Variants in BLK observed in about 807,000 individuals in gnomAD.
BLK encodes BLK proto-oncogene, Src family tyrosine kinase, also known as tyrosine-protein kinase Blk.
Under a neutral mutation model 61.8 loss-of-function variants are expected in BLK, and 64 were observed. That is an observed-to-expected ratio of 1.03 (90% CI 0.85 to 1.27). BLK has a LOEUF of 1.27. BLK is among the 50% of genes most tolerant of loss of function. The pLI, the probability that BLK is intolerant of heterozygous loss-of-function variation, is 0.00. For missense variants in BLK, 853 were observed against 660.5 expected, an observed-to-expected ratio of 1.29 and a Z score of -3.19; for synonymous variants, 351 against 272.0, an observed-to-expected ratio of 1.29 and a Z score of -2.86.
intron 1 of BLK, chr8:11,509,567 T>G (rs916581784): frequency 6.6e-6 from 1 of 152,190 alleles, no homozygotes. Context: ...GCTCGGGTTC[T>G]GTGGTTGTCT....
chr8:11,530,232 G>C (rs1438751109), intron 1 of BLK, among the ~76,000 whole-genome samples: 2 of 152,114 alleles, frequency 1.3e-5, no homozygotes, highest in South Asian at 2.1e-4. Flanking sequence ...CCCAGCCAAG[G>C]ATTTATTTGT....
chr8:11,519,578 A>T (rs1468076283), intron 1 of BLK, among the ~76,000 whole-genome samples: 1 of 152,246 alleles, frequency 6.6e-6, no homozygotes. Flanking sequence ...TATGTACAGC[A>T]TCGTAACAGT....
intron 1 of BLK, among the ~76,000 whole-genome samples, chr8:11,519,873 C>T (rs1159590179): frequency 6.6e-6 from 1 of 152,168 alleles, no homozygotes; most frequent in Admixed American, 6.5e-5. Flanking sequence ...CTTGCCGCCC[C>T]CACTATCAGA....
chr8:11,544,964 C>T (rs1800559966), intron 2 of BLK, among the ~76,000 whole-genome samples: 1 of 152,180 alleles, frequency 6.6e-6, no homozygotes, highest in African/African-American at 2.4e-5. Context: ...TACCCTTCAC[C>T]CCAGGCCCCA....
intron 5 of BLK, among the ~76,000 whole-genome samples, chr8:11,549,493 A>G (rs1476669190): frequency 6.6e-6 from 1 of 152,168 alleles, no homozygotes; most frequent in Non-Finnish European, 1.5e-5. Context: ...GGGGGCTCCC[A>G]GGAGGGTGGC....
At chr8:11,504,258 G>T (rs375837139) in intron 1 of BLK, among the ~76,000 whole-genome samples, 16 of 152,008 alleles carry the variant, frequency 1.1e-4, no homozygotes, top group East Asian at 7.7e-4. Context: ...AGGAGGCAAA[G>T]GTTGCAGTGA....
intron 2 of BLK, 131 bp from the exon 3 acceptor site, chr8:11,545,921 C>G (rs1243380705): frequency 1.1e-6 from 1 of 941,726 alleles, no homozygotes; most frequent in Non-Finnish European, 1.8e-6. Context: ...GCAGCCCCCA[C>G]AGGCAGCTGC....
At position 11,558,038 on chromosome 8, in the gene BLK, G is replaced by A. The variant is rs1158167794; in HGVS notation, c.1029G>A (p.Gln343=). ...CAAGGCTGATTGACATGTCGGCGCA[G>A]GTTGGTGAAGTACCAGGTGCAGAGA... The part of the protein sequence containing the change: ...SLPRLIDMSA[Q]IAEGMAYIER... Residue 343 remains glutamine (Q), a splice_region_variant and synonymous_variant, in exon 10 of 13, where the codon CAG becomes CAA. Transcript: ENST00000259089. 1 of 1,614,020 alleles carries A rather than the reference G, an allele frequency of 6.2e-7. No individual in the cohort carries two copies. The highest frequency in any genetic ancestry group is 1.7e-5 in the Admixed American group (1 of 60,022).
intron 8 of BLK, chr8:11,556,109 G>C (rs1397460558): frequency 4.4e-6 from 1 of 227,222 alleles, no homozygotes; most frequent in African/African-American, 2.3e-5. Context: ...GCTGTACCCA[G>C]GTCCCTGCCA....
At chr8:11,540,962 T>C (rs1326802597) in intron 1 of BLK, among the ~76,000 whole-genome samples, 2 of 152,190 alleles carry the variant, frequency 1.3e-5, no homozygotes, top group Non-Finnish European at 2.9e-5. Context: ...ATTCTCATTC[T>C]AAATAAAATA....
chr8:11,514,687 C>G (rs1799154943), intron 1 of BLK, among the ~76,000 whole-genome samples: 1 of 152,204 alleles, frequency 6.6e-6, no homozygotes, highest in Non-Finnish European at 1.5e-5. Context: ...CTTTCTGGAC[C>G]CATCCTGGCA....
At chr8:11,555,221 A>G (rs1019164542) in intron 7 of BLK, 111 bp from the exon 8 acceptor site, 8 of 1,399,430 alleles carry the variant, frequency 5.7e-6, no homozygotes, top group Middle Eastern at 2.2e-4. Context: ...ACACCCATGC[A>G]GGGGGTGGGG....
At chr8:11,560,921 G>C (rs577470663) in intron 10 of BLK, 2 of 474,102 alleles carry the variant, frequency 4.2e-6, no homozygotes, top group African/African-American at 3.9e-5. Context: ...AGTGAGAGCT[G>C]CCTGTCCTTG....
intron 1 of BLK, among the ~76,000 whole-genome samples, chr8:11,513,067 C>A (rs535376842): frequency 6.6e-6 from 1 of 152,190 alleles, no homozygotes; most frequent in African/African-American, 2.4e-5. Context: ...TCTTGAAGTT[C>A]TTTTTTGTCC....
intron 1 of BLK, among the ~76,000 whole-genome samples, chr8:11,523,245 G>A (rs1453235968): frequency 6.6e-6 from 1 of 152,168 alleles, no homozygotes; most frequent in African/African-American, 2.4e-5. Context: ...ATACCATGCT[G>A]TAATACATAA....
intron 1 of BLK, among the ~76,000 whole-genome samples, chr8:11,521,763 C>G (rs1407116953): frequency 1.3e-5 from 2 of 152,230 alleles, no homozygotes; most frequent in Non-Finnish European, 2.9e-5. Context: ...GTCTGAGACT[C>G]TCCGTTCACT....
intron 4 of BLK, among the ~76,000 whole-genome samples, chr8:11,548,553 T>C (rs796536233): frequency 2.0e-5 from 3 of 152,192 alleles, no homozygotes; most frequent in Non-Finnish European, 4.4e-5. Flanking sequence ...CCCATGTCCT[T>C]CTCAGAAACT....
chr8:11,514,023 G>A (rs1427663616), intron 1 of BLK, among the ~76,000 whole-genome samples: 3 of 152,222 alleles, frequency 2.0e-5, no homozygotes, highest in Admixed American at 6.5e-5. Context: ...TTATGACATT[G>A]AACCCAATAA....
chr8:11,530,051 C>G (rs1006728931), intron 1 of BLK, among the ~76,000 whole-genome samples: 3 of 152,198 alleles, frequency 2.0e-5, no homozygotes, highest in African/African-American at 4.8e-5. Context: ...TTACTAAAGA[C>G]AAGACCAATT....
Sources: allele counts gnomAD v4.1 joint callset (sites outside exome capture counted in the v4.1 genomes callset), GRCh38; gene constraint gnomAD v4.1.1; transcripts MANE v1.5; gene names NCBI Gene and HGNC (gene_info 2026-07-23, HGNC 2026-07-21).